APBA2: variants seen among roughly 807,000 people sequenced by gnomAD.
APBA2 encodes the protein amyloid-beta A4 precursor protein-binding family A member 2.
In APBA2, 30 loss-of-function variants were observed where a neutral mutation model predicts 75.0. The observed-to-expected ratio is 0.40, with a 90% CI of 0.30 to 0.54. APBA2 has a LOEUF of 0.54. APBA2 is among the 20% of genes least tolerant of loss of function. The pLI, the probability that APBA2 is intolerant of heterozygous loss-of-function variation, is 0.49. For synonymous variants in APBA2, 444 were observed against 409.6 expected, an observed-to-expected ratio of 1.08 and a Z score of -1.01; for missense variants, 801 against 1,016.1, an observed-to-expected ratio of 0.79 and a Z score of 2.88.
chr15:29,075,217 T>C (rs555578575), intron 5 of APBA2, among the ~76,000 whole-genome samples: 1 of 152,208 alleles, frequency 6.6e-6, no homozygotes, highest in African/African-American at 2.4e-5. Flanking sequence ...GCCTCCCTGA[T>C]GTTAGGACCA....
intron 12 of APBA2, 79 bp downstream of exon 12, chr15:29,106,898 T>G: frequency 7.4e-7 from 1 of 1,343,650 alleles, no homozygotes; most frequent in Non-Finnish European, 1.0e-6. Flanking sequence ...CAATCCCCAC[T>G]TCACTGCAAT....
chr15:28,968,717 A>T (rs2036873212), intron 2 of APBA2, among the ~76,000 whole-genome samples: 1 of 152,130 alleles, frequency 6.6e-6, no homozygotes, highest in Non-Finnish European at 1.5e-5. Flanking sequence ...TTATTTGGAG[A>T]AATGGTCTTT....
chr15:29,114,687 G>A (rs180961197), intron 14 of APBA2, among the ~76,000 whole-genome samples: 1 of 151,906 alleles, frequency 6.6e-6, no homozygotes, highest in Non-Finnish European at 1.5e-5. Context: ...GTGGGTAGGT[G>A]TGGGAAATGA....
intron 3 of APBA2, among the ~76,000 whole-genome samples, chr15:29,007,395 CTA>C (rs1220180853): frequency 6.6e-6 from 1 of 152,100 alleles, no homozygotes; most frequent in Non-Finnish European, 1.5e-5. Flanking sequence ...TGGACTTCAT[CTA>C]ATATAAAAAC....
At chr15:29,012,380 A>G (rs1385378279) in intron 3 of APBA2, among the ~76,000 whole-genome samples, 1 of 152,176 alleles carries the variant, frequency 6.6e-6, no homozygotes, top group Non-Finnish European at 1.5e-5. Context: ...CTCATGGTTC[A>G]ATAGGGGCTA....
At chr15:28,913,385 C>T (rs1226312116) in intron 1 of APBA2, among the ~76,000 whole-genome samples, 1 of 152,208 alleles carries the variant, frequency 6.6e-6, no homozygotes, top group Non-Finnish European at 1.5e-5. Context: ...ACCACTGCAC[C>T]TGCCGCCTTG....
At chr15:29,079,726 C>CT (rs1566981749) in intron 6 of APBA2, among the ~76,000 whole-genome samples, 2 of 152,140 alleles carry the variant, frequency 1.3e-5, no homozygotes, top group African/African-American at 4.8e-5. Context: ...CTATTTGTGT[C>CT]TGAGAAGTTG....
intron 3 of APBA2, among the ~76,000 whole-genome samples, chr15:29,039,397 C>T (rs1454326296): frequency 6.6e-6 from 1 of 152,106 alleles, no homozygotes; most frequent in Non-Finnish European, 1.5e-5. Flanking sequence ...TGGCATCCAG[C>T]TCCCCATCAG....
At chr15:28,967,481 T>C (rs1160543172) in intron 2 of APBA2, among the ~76,000 whole-genome samples, 5 of 152,122 alleles carry the variant, frequency 3.3e-5, no homozygotes, top group Non-Finnish European at 5.9e-5. Context: ...CTCTGTCACC[T>C]AGGCTGGAGT....
intron 1 of APBA2, among the ~76,000 whole-genome samples, chr15:28,909,946 C>T (rs1281570697): frequency 1.3e-5 from 2 of 152,178 alleles, no homozygotes; most frequent in Non-Finnish European, 2.9e-5. Context: ...ATCCTCTGGT[C>T]ACTTGTACCA....
At chr15:29,018,883 C>T (rs557963495) in intron 3 of APBA2, among the ~76,000 whole-genome samples, 1 of 152,290 alleles carries the variant, frequency 6.6e-6, no homozygotes, top group Non-Finnish European at 1.5e-5. Flanking sequence ...ACCTGCCACA[C>T]CTTCTCTTGG....
chr15:29,075,110 C>T (rs538443519), intron 5 of APBA2, 109 bp downstream of exon 5: 134 of 886,532 alleles, frequency 1.5e-4, no homozygotes, highest in African/African-American at 1.1e-3. Flanking sequence ...TCATCCCACC[C>T]GGTGCCTGGG....
At chr15:29,001,682 C>G (rs1019679036) in intron 3 of APBA2, among the ~76,000 whole-genome samples, 1 of 152,210 alleles carries the variant, frequency 6.6e-6, no homozygotes, top group Non-Finnish European at 1.5e-5. Flanking sequence ...GGACAAGGAG[C>G]TGGCTGTTAC....
intron 2 of APBA2, among the ~76,000 whole-genome samples, chr15:28,987,727 G>GATATATATATATATATATATAT (rs1252518408): frequency 8.7e-6 from 1 of 115,124 alleles, no homozygotes; most frequent in Non-Finnish European, 1.6e-5. Flanking sequence ...TATGTGGAGA[G>GATATATATATATATATATATAT]AGATATATAT....
At chr15:28,923,915 T>C (rs1043606250) in intron 2 of APBA2, among the ~76,000 whole-genome samples, 4 of 152,264 alleles carry the variant, frequency 2.6e-5, no homozygotes, top group African/African-American at 9.6e-5. Flanking sequence ...CCTCAGCACT[T>C]CGTCTGGCAA....
chr15:28,920,708 A>G (rs991097574), intron 1 of APBA2, among the ~76,000 whole-genome samples: 3 of 152,056 alleles, frequency 2.0e-5, no homozygotes, highest in Admixed American at 2.0e-4. Context: ...AGCTGGAGGA[A>G]CCTCTTAAGG....
At chr15:28,890,952 G>A (rs2032090449) in intron 1 of APBA2, among the ~76,000 whole-genome samples, 1 of 152,154 alleles carries the variant, frequency 6.6e-6, no homozygotes, top group Non-Finnish European at 1.5e-5. Flanking sequence ...TAAACTCTAA[G>A]GGGCTGTTTT....
chr15:29,114,947 CTGTGGG>C (rs1201625931), intron 14 of APBA2, among the ~76,000 whole-genome samples: 1 of 149,328 alleles, frequency 6.7e-6, no homozygotes, highest in East Asian at 2.0e-4. Context: ...ACGGCTGTGG[CTGTGGG>C]TCTGTGAGTG....
rs398043111 is a variant in APBA2 at position 28,940,356 on chromosome 15, C to CAAAAAAAAAAAAAA, written c.-95+18625_-95+18638dup. Among the ~76,000 whole-genome samples the CAAAAAAAAAAAAAA allele has an allele frequency of 7.0e-4, 27 of 38,440 alleles. 1 individual carries two copies. Among genetic ancestry groups the CAAAAAAAAAAAAAA allele is most frequent in the Non-Finnish European group, 1.2e-3 (20 of 17,194 alleles). The allele number at this position is 38,440 out of a possible 152,430, so 25.2% of individuals were successfully genotyped here. A position where few individuals can be genotyped will look rare whatever the true frequency, so the allele number is the denominator to read the frequency against. ...TGAAACCCCGTCTCTACTAAAAATA[C>CAAAAAAAAAAAAAA]AAAAAAAAAAAAAAAAAAAAAAAAA... On this transcript the variant is annotated intron_variant, in intron 2 of 14. Coordinates refer to ENST00000683413, the MANE Select transcript of APBA2 (RefSeq NM_001353788.2).
Sources: gnomAD v4.1 joint callset for allele counts (sites outside exome capture counted in the v4.1 genomes callset) on GRCh38, gnomAD v4.1.1 for gene constraint, MANE v1.5 for transcripts, NCBI Gene and HGNC (gene_info 2026-07-23, HGNC 2026-07-21) for gene names.